BTRC: variants seen among roughly 807,000 people sequenced by gnomAD.
BTRC encodes the protein F-box/WD repeat-containing protein 1A.
BTRC carries 42 observed loss-of-function variants against 85.5 expected under a neutral mutation model. The ratio of observed to expected loss-of-function variants is 0.49; its 90% confidence interval spans 0.38 to 0.64. The LOEUF (loss-of-function observed/expected upper bound fraction) is 0.64, where lower values mean the gene tolerates loss of function less well. Ranked by LOEUF, BTRC falls within the 30% of genes least tolerant of loss-of-function variation. The pLI is 0.00. For synonymous variants in BTRC, 255 were observed against 263.3 expected (o/e 0.97, Z 0.30); for missense variants, 594 against 743.5 (o/e 0.80, Z 2.34).
At chr10:101,506,886 A>C (rs1388905758) in intron 4 of BTRC, among the ~76,000 whole-genome samples, 3 of 152,188 alleles carry the variant, frequency 2.0e-5, no homozygotes, top group African/African-American at 7.2e-5. Context: ...TCTGCAGTTA[A>C]TTGAATTCTT....
chr10:101,415,915 G>T (rs967323234), intron 1 of BTRC, among the ~76,000 whole-genome samples: 1 of 152,074 alleles, frequency 6.6e-6, no homozygotes, highest in African/African-American at 2.4e-5. Flanking sequence ...CTATATTGCA[G>T]TTGCCTACAG....
At chr10:101,459,754 A>T (rs1158900107) in intron 2 of BTRC, among the ~76,000 whole-genome samples, 1 of 152,192 alleles carries the variant, frequency 6.6e-6, no homozygotes, top group Non-Finnish European at 1.5e-5. Context: ...AGACATTTTC[A>T]TAATACCCAC....
intron 2 of BTRC, among the ~76,000 whole-genome samples, chr10:101,437,242 G>A (rs540461552): frequency 5.9e-5 from 9 of 152,216 alleles, no homozygotes; most frequent in South Asian, 2.1e-4. Context: ...GTGCAGAAAT[G>A]TTTTGTTCTC....
chr10:101,372,419 T>G (rs1260839528), intron 1 of BTRC, among the ~76,000 whole-genome samples: 4 of 150,394 alleles, frequency 2.7e-5, no homozygotes, highest in African/African-American at 9.7e-5. Context: ...CACGCCCGGC[T>G]AATTTTTGTA....
intron 1 of BTRC, among the ~76,000 whole-genome samples, chr10:101,425,457 T>C (rs933046087): frequency 6.6e-6 from 1 of 152,160 alleles, no homozygotes; most frequent in South Asian, 2.1e-4. Flanking sequence ...GAAACTAATA[T>C]GTGCTGTGCA....
Position 101,362,397 on chromosome 10 carries a change from A to AC in BTRC, c.48+8169_48+8170insC, listed in dbSNP as rs1414046897. 2.4e-3 allele frequency among the ~76,000 whole-genome samples: 316 copies of AC among 131,762 alleles called. 1 individual carries two copies. The highest frequency in any genetic ancestry group is 4.6e-3 in the Non-Finnish European group (257 of 55,408). 86.4% of individuals were successfully genotyped at this position (131,762 alleles called of 152,430 possible). Reference sequence around the variant, plus strand: ...TTACAGGAGAATGCAGAGGTGCAAGAAATTTTTTTTTTTTTGAGATGGAGT... The same window carrying AC: ...TTACAGGAGAATGCAGAGGTGCAAGACAATTTTTTTTTTTTTGAGATGGAGT... On this transcript the variant is annotated intron_variant, in intron 1 of 14. Transcript: ENST00000370187.
intron 1 of BTRC, among the ~76,000 whole-genome samples, chr10:101,429,435 G>T (rs1201659747): frequency 4.0e-5 from 6 of 151,044 alleles, no homozygotes; most frequent in Non-Finnish European, 3.0e-5. Flanking sequence ...AGGTATTTTT[G>T]TTTGTTTGTT....
At position 101,534,955 on chromosome 10, in the gene BTRC, A is replaced by G. The variant is rs766336624; in HGVS notation, c.1347+45A>G. The G allele has an allele frequency of 3.2e-6, 5 of 1,585,420 alleles. No homozygotes were observed. The East Asian group carries it at 1.1e-4, about 36-fold the overall frequency. ...TAAGTTTCCAACTTAGAATGGGGGA[A>G]TTCATATGAAAATTTGATCAAGGGC... On this transcript the variant is annotated intron_variant, in intron 10 of 14. Transcript: ENST00000370187.
At chr10:101,478,942 A>G (rs907595901) in intron 3 of BTRC, among the ~76,000 whole-genome samples, 36 of 133,964 alleles carry the variant, frequency 2.7e-4, no homozygotes, top group South Asian at 7.8e-4. Flanking sequence ...CCATCTGGGG[A>G]AAAAAAAAAA....
At chr10:101,521,961 T>A in intron 5 of BTRC, 91 bp downstream of exon 5, 1 of 937,988 alleles carries the variant, frequency 1.1e-6, no homozygotes, top group Non-Finnish European at 1.6e-6. Flanking sequence ...AAAGTCTTTA[T>A]TGGCTTGATT....
intron 3 of BTRC, among the ~76,000 whole-genome samples, chr10:101,468,345 G>A (rs773167186): frequency 1.1e-4 from 17 of 151,116 alleles, no homozygotes; most frequent in Non-Finnish European, 2.2e-4. Flanking sequence ...GTCCATATGG[G>A]CCCAATTCAT....
At chr10:101,435,448 A>G (rs889599893) in intron 2 of BTRC, among the ~76,000 whole-genome samples, 1 of 152,176 alleles carries the variant, frequency 6.6e-6, no homozygotes, top group African/African-American at 2.4e-5. Context: ...AAATGCCATC[A>G]TATAGTGTAC....
intron 4 of BTRC, among the ~76,000 whole-genome samples, chr10:101,481,123 T>G (rs1195022056): frequency 1.3e-5 from 2 of 152,082 alleles, no homozygotes; most frequent in Admixed American, 6.5e-5. Flanking sequence ...TTGTTTTGTT[T>G]TGTAGAGATG....
At chr10:101,427,735 TG>T (rs1944298649) in intron 1 of BTRC, among the ~76,000 whole-genome samples, 2 of 151,608 alleles carry the variant, frequency 1.3e-5, no homozygotes, top group Non-Finnish European at 1.5e-5. Context: ...CCCACATTAC[TG>T]AGGCTGGTCT....
intron 3 of BTRC, among the ~76,000 whole-genome samples, chr10:101,478,864 C>T (rs9419912): frequency 0.37 from 54,271 of 148,328 alleles, 11,199 homozygotes; most frequent in Middle Eastern, 0.48. Context: ...GCTTGAACCC[C>T]GGAGGCGGAG....
At chr10:101,438,718 A>T (rs1479585285) in intron 2 of BTRC, among the ~76,000 whole-genome samples, 1 of 152,164 alleles carries the variant, frequency 6.6e-6, no homozygotes, top group African/African-American at 2.4e-5. Flanking sequence ...TTTGTAATAT[A>T]ATATTAGTAT....
chr10:101,453,006 G>C (rs1384261170), intron 2 of BTRC, among the ~76,000 whole-genome samples: 2 of 152,048 alleles, frequency 1.3e-5, no homozygotes, highest in African/African-American at 2.4e-5. Flanking sequence ...CACACACACA[G>C]TGTTTTTTTT....
At chr10:101,491,073 A>T (rs1338506522) in intron 4 of BTRC, among the ~76,000 whole-genome samples, 2 of 131,660 alleles carry the variant, frequency 1.5e-5, no homozygotes, top group African/African-American at 2.8e-5. Flanking sequence ...AAAAAAAAAA[A>T]CTCTCTTTTC....
intron 1 of BTRC, among the ~76,000 whole-genome samples, chr10:101,420,474 C>G (rs898663549): frequency 1.3e-5 from 2 of 152,052 alleles, no homozygotes; most frequent in African/African-American, 4.8e-5. Flanking sequence ...TGCATGCCTT[C>G]TTCTGCCGAC....
Sources: allele counts gnomAD v4.1 joint callset (sites outside exome capture counted in the v4.1 genomes callset), GRCh38; gene constraint gnomAD v4.1.1; transcripts MANE v1.5; gene names NCBI Gene and HGNC (gene_info 2026-07-23, HGNC 2026-07-21).